Variants in IGDCC4 observed in about 807,000 individuals in gnomAD.
The protein encoded by IGDCC4 is likely ortholog of mouse neighbor of Punc E11.
IGDCC4 carries 72 observed loss-of-function variants against 116.6 expected under a neutral mutation model. The ratio of observed to expected loss-of-function variants is 0.62; its 90% CI spans 0.51 to 0.75. The LOEUF is 0.75. IGDCC4 is among the 30% of genes least tolerant of loss of function. The probability of loss-of-function intolerance (pLI) is 0.00; values close to 1 mark genes in which losing one functional copy is unlikely to be tolerated. For synonymous variants in IGDCC4, 709 were observed against 719.9 expected, an observed-to-expected ratio of 0.98 and a Z score of 0.24; for missense variants, 1,501 against 1,662.4, an observed-to-expected ratio of 0.90 and a Z score of 1.69.
At chr15:65,391,181 G>T (rs571049311) in intron 12 of IGDCC4, among the ~76,000 whole-genome samples, 1 of 152,246 alleles carries the variant, frequency 6.6e-6, no homozygotes, top group South Asian at 2.1e-4. Flanking sequence ...AGTGAGCTGA[G>T]ATCATACCAT....
rs953152837 is a variant in IGDCC4 at position 65,414,991 on chromosome 15, G to C, written c.71-3621C>G. Among the ~76,000 whole-genome samples, 8 of 152,236 alleles carry C rather than the reference G, an allele frequency of 5.3e-5. No homozygotes were observed. The East Asian group carries it at 1.4e-3, about 26-fold the overall frequency. On this transcript the variant is annotated intron_variant, in intron 1 of 19. Transcript: ENST00000352385. ...ACAGGCATGAGCTACCATGCCCGGC[G>C]GGGAGCTTATTCTTTAAAGGCACTT...
At chr15:65,390,042 C>T in intron 13 of IGDCC4, 113 bp downstream of exon 13, 1 of 938,348 alleles carries the variant, frequency 1.1e-6, no homozygotes, top group Non-Finnish European at 1.6e-6. Flanking sequence ...TGAGCCATGA[C>T]ATGTTCCTGA....
intron 10 of IGDCC4, 82 bp from the exon 11 acceptor site, chr15:65,392,452 G>A (rs2140200151): frequency 9.2e-7 from 1 of 1,081,426 alleles, no homozygotes; most frequent in Non-Finnish European, 1.3e-6. Flanking sequence ...AGGAGACAGG[G>A]AAGAGGCATG....
intron 7 of IGDCC4, 37 bp downstream of exon 7, chr15:65,395,713 G>A: frequency 1.4e-6 from 2 of 1,412,158 alleles, no homozygotes; most frequent in Non-Finnish European, 1.9e-6. Flanking sequence ...GCCCCGCCCG[G>A]GCCTGCGCTG....
intron 14 of IGDCC4, 66 bp from the exon 15 acceptor site, chr15:65,389,044 CT>C: frequency 8.8e-7 from 1 of 1,139,854 alleles, no homozygotes; most frequent in Non-Finnish European, 1.2e-6. Flanking sequence ...ATGATATGAC[CT>C]CCCTTCTTCC....
At chr15:65,402,056 T>C (rs1041718636) in intron 4 of IGDCC4, among the ~76,000 whole-genome samples, 6 of 152,048 alleles carry the variant, frequency 3.9e-5, no homozygotes, top group Admixed American at 1.3e-4. Flanking sequence ...ATGCCTCGCA[T>C]CCCCACCTCT....
intron 1 of IGDCC4, among the ~76,000 whole-genome samples, chr15:65,416,208 G>T (rs1214259612): frequency 7.1e-6 from 1 of 140,568 alleles, no homozygotes; most frequent in Non-Finnish European, 1.5e-5. Flanking sequence ...CGCAATCTCG[G>T]CTCACTGCAA....
rs781233269 is a variant in IGDCC4, at chr15:65,384,102, C to T, written c.3660G>A (p.Glu1220=). The change falls in exon 20 of 20, where the codon GAG becomes GAA. Residue 1220 remains glutamate, a synonymous_variant. Coordinates refer to ENST00000352385, the MANE Select transcript of IGDCC4 (RefSeq NM_020962.3). This position sits in a 1 kb window ranked among gnomAD's most constrained non-coding sequence, Gnocchi z 4.9. ...GCTGGCAGCTATCTCCAGGGGTCTC[C>T]TCTAGCACCTCGCCTGGCTGGAGGT... is the stretch of plus-strand genomic sequence containing the variant. ...YPDLQPGEVL[E]ETPGDSCQLK... is the part of the protein sequence containing the mutation. The T allele has an allele frequency of 1.2e-6, 2 of 1,613,962 alleles. No homozygotes were observed. The highest frequency in any genetic ancestry group is 8.5e-7 in the Non-Finnish European group (1 of 1,179,966).
chr15:65,408,772 G>A lies in IGDCC4; in HGVS notation c.563+1406C>T, dbSNP rs183894976. Reference sequence around the variant, plus strand: ...ATAGGTGGGAAGGAGAATAGACTGGGTGAGAAGTGACTCTCTGAGGACCAG... The same window carrying A: ...ATAGGTGGGAAGGAGAATAGACTGGATGAGAAGTGACTCTCTGAGGACCAG... On this transcript the variant is annotated intron_variant, in intron 3 of 19. Coordinates refer to ENST00000352385, the MANE Select transcript of IGDCC4 (RefSeq NM_020962.3). Among the ~76,000 whole-genome samples, 333 of 151,460 alleles carry A rather than the reference G, an allele frequency of 2.2e-3. 1 individual carries two copies. Among genetic ancestry groups the A allele is most frequent in the Non-Finnish European group, 3.7e-3 (251 of 67,994 alleles).
intron 12 of IGDCC4, among the ~76,000 whole-genome samples, chr15:65,391,371 T>C (rs776870789): frequency 1.2e-4 from 19 of 152,140 alleles, no homozygotes; most frequent in Non-Finnish European, 2.2e-4. Flanking sequence ...GGCAGTGTAG[T>C]GCAGTGGAAA....
intron 3 of IGDCC4, among the ~76,000 whole-genome samples, chr15:65,409,092 C>T (rs1029014489): frequency 5.3e-5 from 8 of 152,126 alleles, no homozygotes; most frequent in Admixed American, 5.2e-4. Context: ...GCTTCGTCCT[C>T]CCAAAAGGTT....
chr15:65,386,113 G>A (rs1159968719), intron 17 of IGDCC4, 54 bp from the exon 18 acceptor site: 3 of 1,184,782 alleles, frequency 2.5e-6, no homozygotes, highest in Non-Finnish European at 3.5e-6. Context: ...GGGTCAGGCG[G>A]GGCTGGGATC....
intron 13 of IGDCC4, 33 bp from the exon 14 acceptor site, chr15:65,389,444 A>G (rs1438429080): frequency 6.2e-7 from 1 of 1,614,050 alleles, no homozygotes; most frequent in Non-Finnish European, 8.5e-7. Flanking sequence ...TAGTGCTCTC[A>G]GGCACACTCT....
At position 65,396,925 on chromosome 15, in the gene IGDCC4, C is replaced by T; in HGVS notation, c.906G>A (p.Ala302=). 1 of 1,574,850 alleles carries T rather than the reference C, an allele frequency of 6.3e-7. No homozygotes were observed. The highest frequency in any genetic ancestry group is 1.2e-5 in the South Asian group (1 of 85,662). ...LGRTNLLIAN[A]QPWHSGVYVC... is the part of the protein sequence containing the mutation. The stretch of plus-strand genomic sequence containing the variant: ...CATAGACGCCGGAGTGCCAGGGCTG[C>T]GCGTTGGCAATTAGTAGGTTGGTGC... Residue 302 remains alanine (A), a synonymous_variant, in exon 6 of 20, where the codon GCG becomes GCA. Coordinates refer to ENST00000352385, the MANE Select transcript of IGDCC4 (RefSeq NM_020962.3).
intron 5 of IGDCC4, among the ~76,000 whole-genome samples, chr15:65,397,393 A>C (rs944108820): frequency 7.2e-5 from 11 of 152,248 alleles, no homozygotes; most frequent in African/African-American, 2.7e-4. Context: ...TCGAATGCGC[A>C]CAAAGTTTTA....
At chr15:65,412,252 A>C (rs1295173093) in intron 1 of IGDCC4, among the ~76,000 whole-genome samples, 1 of 151,970 alleles carries the variant, frequency 6.6e-6, no homozygotes, top group Non-Finnish European at 1.5e-5. Flanking sequence ...AGTGGCTCAC[A>C]CCTGTAATCC....
At position 65,385,941 on chromosome 15, in the gene IGDCC4, G is replaced by C; in HGVS notation, c.3070C>G (p.Pro1024Ala). The change falls in exon 18 of 20, where the codon CCC becomes GCC. Residue 1024 changes from proline to alanine, a missense_variant. By Grantham distance (27) the Pro-to-Ala change is conservative (BLOSUM62 -1). This residue lies in a region of IGDCC4 where 368 missense variants were observed against 355.6 expected (regional missense o/e 1.03). Coordinates refer to ENST00000352385, the MANE Select transcript of IGDCC4 (RefSeq NM_020962.3). ...AAHELESLVH[P>A]HPQDWSPPPS... ...GGCGGGGACCAGTCCTGGGGATGGG[G>C]GTGCACAAGGGACTCCAATTCATGG... is the stretch of plus-strand genomic sequence containing the variant. 10 of 1,607,756 alleles carry C rather than the reference G, an allele frequency of 6.2e-6. No individual in the cohort carries two copies. The highest frequency in any genetic ancestry group is 8.5e-6 in the Non-Finnish European group (10 of 1,177,604).
Position 65,383,628 on chromosome 15 carries a change from A to G in IGDCC4, c.*381T>C, listed in dbSNP as rs116139064. The G allele has an allele frequency of 7.9e-4, 141 of 179,486 alleles. No homozygotes were observed. The highest frequency in any genetic ancestry group is 3.1e-3 in the African/African-American group (132 of 42,664). 11.1% of individuals were successfully genotyped at this position (179,486 alleles called of 1,614,324 possible). A position where few individuals can be genotyped will look rare whatever the true frequency, so the allele number is the denominator to read the frequency against. ...AGAGTGTGTAATAAAAGGCTGGGCG[A>G]TGGAGGTGGGGGCCCACAGGGCTGG... is the stretch of plus-strand genomic sequence containing the variant. On this transcript the variant is annotated 3_prime_UTR_variant, in exon 20 of 20. Coordinates refer to ENST00000352385, the MANE Select transcript of IGDCC4 (RefSeq NM_020962.3).
In IGDCC4 at chr15:65,388,468, C is replaced by A. The variant is rs769171850; in HGVS notation, c.2826G>T (p.Thr942=). Residue 942 remains threonine, a synonymous_variant, in exon 16 of 20, where the codon ACG becomes ACT. Coordinates refer to ENST00000352385, the MANE Select transcript of IGDCC4 (RefSeq NM_020962.3). ...GPFSRLQDVI[T]LQEKLSDSLD... ...TCATACCTGACAGCTTCTCCTGGAG[C>A]GTGATCACATCCTGCAGGCGGGAGA... is the stretch of plus-strand genomic sequence containing the variant. The A allele has an allele frequency of 3.1e-6, 5 of 1,614,018 alleles. No homozygotes were observed. The highest frequency in any genetic ancestry group is 3.4e-6 in the Non-Finnish European group (4 of 1,180,036).
Sources: gnomAD v4.1 joint callset for allele counts (sites outside exome capture counted in the v4.1 genomes callset) on GRCh38, gnomAD v4.1.1 for gene constraint, gnomAD v4.1.1 regional missense constraint, Gnocchi (gnomAD v3.1) non-coding constraint, MANE v1.5 for transcripts, NCBI Gene and HGNC (gene_info 2026-07-23, HGNC 2026-07-21) for gene names.